Variants in CPZ observed in about 807,000 individuals in gnomAD.
The protein encoded by CPZ is carboxypeptidase Z, also known as VEZT/CPZ fusion.
A neutral mutation model predicts 61.8 loss-of-function variants in CPZ; 103 were observed. The ratio of observed to expected loss-of-function variants is 1.67; its 90% CI spans 1.42 to 1.96. The LOEUF is 1.96. Among genes scored for constraint, CPZ ranks in the 30% most tolerant of loss-of-function variants. CPZ has a pLI of 0.00. For missense variants in CPZ, 1,461 were observed against 914.9 expected (o/e 1.60, Z -7.70); for synonymous variants, 551 against 373.7 (o/e 1.47, Z -5.47).
In CPZ at chr4:8,592,842, C is replaced by CCCGCTG; in HGVS notation, c.17_22dup (p.Pro6_Leu7dup). ...AGGTCCGCCGCCCCACCATGCCGCC[C>CCCGCTG]CCGCTGCCGCTGCTGCTCCTTACAG... On this transcript the variant is annotated inframe_insertion, in exon 1 of 11. Transcript: ENST00000360986. 6.8e-7 allele frequency: 1 copy of CCCGCTG among 1,479,802 alleles called. No individual in the cohort carries two copies. Among genetic ancestry groups the CCCGCTG allele is most frequent in the Non-Finnish European group, 8.9e-7 (1 of 1,121,026 alleles). 91.7% of individuals were successfully genotyped at this position (1,479,802 alleles called of 1,614,324 possible). A position where few individuals can be genotyped will look rare whatever the true frequency, so the allele number is the denominator to read the frequency against.
chr4:8,599,795 T>C, intron 2 of CPZ: 1 of 429,082 alleles, frequency 2.3e-6, no homozygotes, highest in South Asian at 3.1e-5. Flanking sequence ...CTTGTCCACA[T>C]GCATTTCATG....
chr4:8,600,383 A>G lies in CPZ; in HGVS notation c.122-740A>G, dbSNP rs554212306. On this transcript the variant is annotated intron_variant, in intron 2 of 10. Coordinates refer to ENST00000360986, the MANE Select transcript of CPZ (RefSeq NM_001014447.3). ...CATGACTTGTCCTATGCGATGCCAC[A>G]TCGGGAAAGTCCAGCTGAGGAAAAG... Among the ~76,000 whole-genome samples the G allele has an allele frequency of 4.6e-5, 7 of 152,352 alleles. No individual in the cohort carries two copies. The South Asian group carries it at 1.0e-3, about 23-fold the overall frequency.
chr4:8,594,252 G>T (rs1318795989), intron 1 of CPZ, among the ~76,000 whole-genome samples: 1 of 152,150 alleles, frequency 6.6e-6, no homozygotes, highest in African/African-American at 2.4e-5. Flanking sequence ...GACGTTTCCA[G>T]CCCACAGGCA....
intron 1 of CPZ, among the ~76,000 whole-genome samples, chr4:8,598,400 G>T (rs112506629): frequency 8.5e-5 from 13 of 152,294 alleles, no homozygotes; most frequent in African/African-American, 2.9e-4. Flanking sequence ...TCCGAAAAGC[G>T]GCCTGCACTC....
intron 7 of CPZ, among the ~76,000 whole-genome samples, chr4:8,608,416 T>C (rs1431438698): frequency 6.6e-6 from 1 of 152,100 alleles, no homozygotes; most frequent in Non-Finnish European, 1.5e-5. Context: ...TCACACATCG[T>C]TTGTTCTCCT....
intron 1 of CPZ, among the ~76,000 whole-genome samples, chr4:8,594,263 G>C (rs748173832): frequency 2.0e-5 from 3 of 152,206 alleles, no homozygotes; most frequent in Admixed American, 6.5e-5. Context: ...CCCACAGGCA[G>C]AAGTGGGCAG....
In CPZ at chr4:8,594,976, G is replaced by A. The variant is rs181574534; in HGVS notation, c.88+2055G>A. Among the ~76,000 whole-genome samples, 617 of 152,256 alleles carry A rather than the reference G, an allele frequency of 4.1e-3. 5 individuals carry two copies. Among genetic ancestry groups the A allele is most frequent in the African/African-American group, 0.011 (472 of 41,560 alleles). Reference sequence around the variant, plus strand: ...TTTAGTAGAGACAGGGTTTCACCGTGTTGGCCAGGATGGTCTTGATCTCCT... The same window carrying A: ...TTTAGTAGAGACAGGGTTTCACCGTATTGGCCAGGATGGTCTTGATCTCCT... On this transcript the variant is annotated intron_variant, in intron 1 of 10. Transcript: ENST00000360986.
At chr4:8,612,201 G>GGGGGGGGGGGGGGGGT in intron 8 of CPZ, 39 bp downstream of exon 8, 1 of 345,390 alleles carries the variant, frequency 2.9e-6, no homozygotes, top group African/African-American at 2.3e-5. Context: ...GGGGGGTGGG[G>GGGGGGGGGGGGGGGGT]GGTGCAGGGG....
rs2109350600 is a variant in CPZ at position 8,618,326 on chromosome 4, C to CT, written c.1504-102dup. The CT allele has an allele frequency of 3.6e-6, 4 of 1,117,954 alleles. No homozygotes were observed. In the East Asian group the frequency reaches 9.6e-5, roughly 27 times the overall value. The allele number at this position is 1,117,954 out of a possible 1,614,324, so 69.3% of individuals were successfully genotyped here. ...GTGGGGCTCTGTGGGGTAGTTCCCC[C>CT]TAGATACCAAGCTCTGAGGAGCATG... On this transcript the variant is annotated intron_variant, in intron 9 of 10. Coordinates refer to ENST00000360986, the MANE Select transcript of CPZ (RefSeq NM_001014447.3).
At chr4:8,617,760 G>A (rs1242898927) in intron 9 of CPZ, among the ~76,000 whole-genome samples, 1 of 152,140 alleles carries the variant, frequency 6.6e-6, no homozygotes, top group Non-Finnish European at 1.5e-5. Flanking sequence ...TGGACCCCAC[G>A]TTGTTTTCTG....
rs544799691 is a variant in CPZ at position 8,593,008 on chromosome 4, C to G, written c.88+87C>G. On this transcript the variant is annotated intron_variant, in intron 1 of 10. Coordinates refer to ENST00000360986, the MANE Select transcript of CPZ (RefSeq NM_001014447.3). ...CCGTCGCTTCCCAGGGGCCCGGGAG[C>G]TTTCTTCCAGTAGGTCACGCGCCTA... 2.8e-4 allele frequency: 302 copies of G among 1,089,798 alleles called. 1 individual carries two copies. The African/African-American group carries it at 4.3e-3, about 16-fold the overall frequency. 67.5% of individuals were successfully genotyped at this position (1,089,798 alleles called of 1,614,324 possible).
At chr4:8,595,498 G>C (rs938205923) in intron 1 of CPZ, among the ~76,000 whole-genome samples, 1 of 152,212 alleles carries the variant, frequency 6.6e-6, no homozygotes, top group African/African-American at 2.4e-5. Context: ...GCCCACCCCC[G>C]TGTGGTAAGG....
intron 4 of CPZ, among the ~76,000 whole-genome samples, chr4:8,605,323 C>CACCCATCT (rs1714860747): frequency 6.3e-4 from 10 of 15,998 alleles, no homozygotes; most frequent in African/African-American, 1.9e-3. Flanking sequence ...TTCATTTATT[C>CACCCATCT]ATCCATCCAT....
intron 9 of CPZ, among the ~76,000 whole-genome samples, chr4:8,617,307 GAAGTGA>G (rs558211629): frequency 5.1e-4 from 78 of 152,334 alleles, no homozygotes; most frequent in Non-Finnish European, 8.4e-4. Flanking sequence ...AGGTTTGTCT[GAAGTGA>G]ACAGTCACTA....
chr4:8,598,600 C>A (rs568868509), intron 1 of CPZ, among the ~76,000 whole-genome samples: 1 of 152,268 alleles, frequency 6.6e-6, no homozygotes, highest in Non-Finnish European at 1.5e-5. Flanking sequence ...AGCCTGCCCC[C>A]TCTCTGGCCA....
intron 9 of CPZ, chr4:8,618,157 G>A (rs543210961): frequency 7.9e-5 from 37 of 467,494 alleles, no homozygotes; most frequent in Middle Eastern, 6.2e-4. Flanking sequence ...AATGCCCATA[G>A]AGATGGAGTC....
At position 8,601,411 on chromosome 4, in the gene CPZ, A is replaced by G. The variant is rs1310468411; in HGVS notation, c.410A>G (p.Asp137Gly). 4 of 1,584,622 alleles carry G rather than the reference A, an allele frequency of 2.5e-6. No homozygotes were observed. The highest frequency in any genetic ancestry group is 3.4e-6 in the Non-Finnish European group (4 of 1,164,784). Residue 137 changes from aspartate to glycine, a missense_variant, in exon 3 of 11, where the codon GAC becomes GGC. Coordinates refer to ENST00000360986, the MANE Select transcript of CPZ (RefSeq NM_001014447.3). ...TGCCAGCCCGCCTTCGACGCCATTG[A>G]CATGGCCTGGCCCTACTTCCTTGAC... ...EVCQPAFDAIDMAWPYFLDCH... is the reference protein window; with the variant it reads ...EVCQPAFDAIGMAWPYFLDCH...
At chr4:8,600,781 T>C (rs908581910) in intron 2 of CPZ, among the ~76,000 whole-genome samples, 1 of 152,164 alleles carries the variant, frequency 6.6e-6, no homozygotes, top group African/African-American at 2.4e-5. Context: ...GGCTCCTGGG[T>C]GGTCTGTGCC....
rs376287997 is a variant in CPZ, at chr4:8,614,258, C to A, written c.1364-101C>A. On this transcript the variant is annotated intron_variant, in intron 8 of 10. Transcript: ENST00000360986. ...CCCGGCTGTCTCTGCGCGGCTGACA[C>A]CCCGGCGTCCCGGCTGTCTCTGTGC... The A allele has an allele frequency of 3.7e-5, 54 of 1,475,636 alleles. No individual in the cohort carries two copies. In the East Asian group the frequency reaches 1.1e-3, roughly 30 times the overall value. 91.4% of individuals were successfully genotyped at this position (1,475,636 alleles called of 1,614,324 possible).
Sources: gnomAD v4.1 joint callset for allele counts (sites outside exome capture counted in the v4.1 genomes callset) on GRCh38, gnomAD v4.1.1 for gene constraint, MANE v1.5 for transcripts, NCBI Gene and HGNC (gene_info 2026-07-23, HGNC 2026-07-21) for gene names.